Variants in USP43 observed in about 807,000 individuals in gnomAD.
USP43 encodes the protein ubiquitin carboxyl-terminal hydrolase 43.
A neutral mutation model predicts 90.7 loss-of-function variants in USP43; 33 were observed. That is an observed-to-expected ratio of 0.36 (90% confidence interval 0.28 to 0.49). The LOEUF (loss-of-function observed/expected upper bound fraction) is 0.49. Ranked by LOEUF, USP43 falls within the 20% of genes least tolerant of loss-of-function variation. USP43 has a pLI of 0.98. For synonymous variants in USP43, 598 were observed against 615.8 expected (o/e 0.97, Z 0.43); for missense variants, 1,274 against 1,476.4 (o/e 0.86, Z 2.25).
Position 9,728,472 on chromosome 17 carries a change from G to A in USP43, c.2854G>A (p.Ala952Thr), listed in dbSNP as rs1209174920. 1 of 1,613,528 alleles carries A rather than the reference G, an allele frequency of 6.2e-7. No homozygotes were observed. Among genetic ancestry groups the A allele is most frequent in the East Asian group, 2.2e-5 (1 of 44,884 alleles). ...EKPARPEGQKAMNWKESFQMG... is the reference protein window; with the variant it reads ...EKPARPEGQKTMNWKESFQMG... Reference sequence around the variant, plus strand: ...ACCAGCTCGACCGGAGGGCCAGAAGGCCATGAACTGGAAGGAGAGCTTCCA... The same window carrying A: ...ACCAGCTCGACCGGAGGGCCAGAAGACCATGAACTGGAAGGAGAGCTTCCA... Residue 952 changes from alanine (A) to threonine (T), a missense_variant, in exon 15 of 15, where the codon GCC (alanine) becomes ACC (threonine). Ala to Thr is a moderately conservative substitution (Grantham distance 58, BLOSUM62 0). Around this residue, in one of 6 missense-constraint regions of USP43, gnomAD observed 353 missense variants for 329.7 expected, o/e 1.07. Coordinates refer to ENST00000285199, the MANE Select transcript of USP43 (RefSeq NM_153210.5). This position sits in a 1 kb window ranked among gnomAD's most constrained non-coding sequence, Gnocchi z 6.2.
intron 14 of USP43, among the ~76,000 whole-genome samples, chr17:9,724,892 CAG>C (rs1028240081): frequency 4.3e-4 from 65 of 151,768 alleles, no homozygotes; most frequent in Non-Finnish European, 8.2e-4. Context: ...CTTGAAGAGA[CAG>C]AAGGTGCTCA....
chr17:9,664,303 T>C (rs931994318), intron 2 of USP43, among the ~76,000 whole-genome samples: 1 of 152,206 alleles, frequency 6.6e-6, no homozygotes, highest in Non-Finnish European at 1.5e-5. Flanking sequence ...TATCTTTTTT[T>C]CCCCTCATCT....
intron 2 of USP43, among the ~76,000 whole-genome samples, chr17:9,662,021 G>C (rs1912676960): frequency 6.6e-6 from 1 of 152,146 alleles, no homozygotes; most frequent in African/African-American, 2.4e-5. Flanking sequence ...TCAGGCAGCT[G>C]TGAGGGTATC....
At chr17:9,646,597 C>A (rs973595972) in intron 1 of USP43, among the ~76,000 whole-genome samples, 2 of 152,094 alleles carry the variant, frequency 1.3e-5, no homozygotes, top group African/African-American at 4.8e-5. Flanking sequence ...CTAATCCAGG[C>A]AGGAGGAACA....
At chr17:9,671,685 T>G (rs754754087) in intron 3 of USP43, among the ~76,000 whole-genome samples, 2 of 152,210 alleles carry the variant, frequency 1.3e-5, no homozygotes, top group Non-Finnish European at 2.9e-5. Context: ...AATGGGCCTG[T>G]GAACATTGAA....
rs2151972299 is a variant in USP43 at position 9,674,787 on chromosome 17, T to G, written c.741-104T>G. 7.6e-6 allele frequency: 7 copies of G among 918,930 alleles called. No individual in the cohort carries two copies. The highest frequency in any genetic ancestry group is 1.2e-5 in the Non-Finnish European group (7 of 561,606). 56.9% of individuals were successfully genotyped at this position (918,930 alleles called of 1,614,324 possible). A position where few individuals can be genotyped will look rare whatever the true frequency, so the allele number is the denominator to read the frequency against. The stretch of plus-strand genomic sequence containing the variant: ...ATTCTTCTGGGTATGTACCTACGAG[T>G]GGAATCACAGGGAGTGGAAATGCAA... On this transcript the variant is annotated intron_variant, in intron 3 of 14. Transcript: ENST00000285199. The surrounding 1 kb of genome is among the most constrained non-coding windows in gnomAD (Gnocchi z 4.4).
At chr17:9,725,169 C>T (rs1245534523) in intron 14 of USP43, among the ~76,000 whole-genome samples, 1 of 152,140 alleles carries the variant, frequency 6.6e-6, no homozygotes. Flanking sequence ...CTGGTGCCAT[C>T]TGCATGGAGG....
Position 9,710,097 on chromosome 17 carries a change from C to A in USP43, c.2153C>A (p.Ala718Asp). 6.6e-7 allele frequency: 1 copy of A among 1,515,992 alleles called. No individual in the cohort carries two copies. Among genetic ancestry groups the A allele is most frequent in the South Asian group, 1.3e-5 (1 of 74,282 alleles). 93.9% of individuals were successfully genotyped at this position (1,515,992 alleles called of 1,614,324 possible). The change falls in exon 13 of 15, where the codon GCC (alanine) becomes GAC (aspartate). Residue 718 changes from alanine (A) to aspartate (D), a missense_variant. Transcript: ENST00000285199. Reference protein sequence around the residue: ...QKRNSIPPWSASSSMRGSTSS... With the variant: ...QKRNSIPPWSDSSSMRGSTSS... ...CGGAACAGCATCCCTCCCTGGTCAG[C>A]CAGCAGCTCCATGAGAGGTAGGTGC...
intron 2 of USP43, among the ~76,000 whole-genome samples, chr17:9,662,389 A>G (rs1200086819): frequency 6.6e-6 from 1 of 152,166 alleles, no homozygotes; most frequent in African/African-American, 2.4e-5. Flanking sequence ...GTCACCTCAA[A>G]CCCAGCATGC....
chr17:9,700,148 T>C (rs1378063945), intron 9 of USP43, 24 bp from the exon 10 acceptor site: 1 of 1,582,280 alleles, frequency 6.3e-7, no homozygotes, highest in African/African-American at 1.3e-5. Flanking sequence ...TGTTTTCTGA[T>C]GGGCTCCCTT....
intron 1 of USP43, among the ~76,000 whole-genome samples, chr17:9,648,274 T>C (rs1010512958): frequency 6.6e-6 from 1 of 152,192 alleles, no homozygotes; most frequent in Non-Finnish European, 1.5e-5. Flanking sequence ...GCTTTAAATA[T>C]TATGGATTGA....
In USP43 at chr17:9,645,824, C is replaced by T; in HGVS notation, c.192C>T (p.Ala64=). 1 of 1,395,816 alleles carries T rather than the reference C, an allele frequency of 7.2e-7. No individual in the cohort carries two copies. The highest frequency in any genetic ancestry group is 9.2e-7 in the Non-Finnish European group (1 of 1,081,354). The allele number at this position is 1,395,816 out of a possible 1,614,324, so 86.5% of individuals were successfully genotyped here. A position where few individuals can be genotyped will look rare whatever the true frequency, so the allele number is the denominator to read the frequency against. ...ACGGTGAGGGGGGCTTCGCCTGCGC[C>T]CCGGGCCCAGTTCCAGCGGCCCCCG... ...DGDGEGGFAC[A]PGPVPAAPGS... is the part of the protein sequence containing the mutation. Residue 64 remains alanine, a synonymous_variant, in exon 1 of 15, where the codon GCC becomes GCT. Transcript: ENST00000285199. The surrounding 1 kb of genome is among the most constrained non-coding windows in gnomAD (Gnocchi z 6.8).
chr17:9,669,191 C>G (rs969184242), intron 3 of USP43, among the ~76,000 whole-genome samples: 3 of 151,666 alleles, frequency 2.0e-5, no homozygotes, highest in Non-Finnish European at 4.4e-5. Context: ...GTGCTAGAAC[C>G]AAAAATAAGG....
intron 3 of USP43, among the ~76,000 whole-genome samples, chr17:9,670,549 C>A (rs1913342379): frequency 6.6e-6 from 1 of 152,108 alleles, no homozygotes; most frequent in Admixed American, 6.5e-5. Flanking sequence ...ACCCTCACCC[C>A]AGTCTTGCTA....
chr17:9,727,979 A>G lies in USP43; in HGVS notation c.2361A>G (p.Val787=). The G allele has an allele frequency of 6.2e-7, 1 of 1,609,296 alleles. No homozygotes were observed. Among genetic ancestry groups the G allele is most frequent in the Non-Finnish European group, 8.5e-7 (1 of 1,176,232 alleles). The change falls in exon 15 of 15, where the codon GTA becomes GTG. Residue 787 remains valine, a synonymous_variant. Transcript: ENST00000285199. ...EKGGLEPRRL[V]RGVKGRSISM... is the part of the protein sequence containing the mutation. ...GAGGGTTGGAGCCCAGGCGTTTGGT[A>G]CGGGGCGTGAAAGGCAGAAGCATTA... is the stretch of plus-strand genomic sequence containing the variant.
chr17:9,716,261 T>C (rs1437319031), intron 14 of USP43, among the ~76,000 whole-genome samples: 1 of 152,152 alleles, frequency 6.6e-6, no homozygotes, highest in African/African-American at 2.4e-5. Context: ...TATATACTTG[T>C]GATTAGTATA....
At chr17:9,679,250 G>A (rs1913995396) in intron 5 of USP43, among the ~76,000 whole-genome samples, 1 of 152,148 alleles carries the variant, frequency 6.6e-6, no homozygotes, top group Non-Finnish European at 1.5e-5. Context: ...TGCCCAGGCT[G>A]GAGTGCAGGG....
intron 1 of USP43, chr17:9,647,464 A>G (rs1911515146): frequency 6.6e-6 from 1 of 152,212 alleles, no homozygotes; most frequent in Non-Finnish European, 1.5e-5. Context: ...CTGTGCCGCA[A>G]CTTTCTTCAT....
At position 9,700,184 on chromosome 17, in the gene USP43, C is replaced by G. The variant is rs760438299; in HGVS notation, c.1470C>G (p.Leu490=). ...GTTCTCTTCTCAGGGTTTTGCATCT[C>G]AGGAGGCCAGGAGGCCCTCCACATG... ...CHWAVDRVLH[L]RRPGGPPHVK... Residue 490 remains leucine, a synonymous_variant, in exon 10 of 15, where the codon CTC becomes CTG. Transcript: ENST00000285199. 1 of 1,605,074 alleles carries G rather than the reference C, an allele frequency of 6.2e-7. No individual in the cohort carries two copies. Among genetic ancestry groups the G allele is most frequent in the South Asian group, 1.1e-5 (1 of 88,860 alleles).
Sources: gnomAD v4.1 joint callset for allele counts (sites outside exome capture counted in the v4.1 genomes callset) on GRCh38, gnomAD v4.1.1 for gene constraint, gnomAD v4.1.1 regional missense constraint, Gnocchi (gnomAD v3.1) non-coding constraint, MANE v1.5 for transcripts, NCBI Gene and HGNC (gene_info 2026-07-23, HGNC 2026-07-21) for gene names.